Variants in KLF8 observed in about 807,000 individuals in gnomAD.
The protein encoded by KLF8 is KLF transcription factor 8, also known as Krueppel-like factor 8.
KLF8 carries 10 observed loss-of-function variants against 18.2 expected under a neutral mutation model. That is an observed-to-expected ratio of 0.55 (90% confidence interval 0.34 to 0.93). The LOEUF (loss-of-function observed/expected upper bound fraction) is 0.93. KLF8 is among the 40% of genes least tolerant of loss of function. The pLI, the probability that KLF8 is intolerant of heterozygous loss-of-function variation, is 0.02. For missense variants in KLF8, 264 were observed against 277.9 expected, an observed-to-expected ratio of 0.95 and a Z score of 0.36; for synonymous variants, 109 against 97.3, an observed-to-expected ratio of 1.12 and a Z score of -0.71.
At chrX:56,085,695 A>G in the KLF8 span, among the ~76,000 whole-genome samples, 1 of 112,515 alleles carries the variant, frequency 8.9e-6, no homozygotes, top group South Asian at 3.7e-4. Flanking sequence ...AGTAAGAAAA[A>G]CAGATGAACC....
chrX:56,162,220 G>C, the KLF8 span, among the ~76,000 whole-genome samples: 1 of 112,130 alleles, frequency 8.9e-6, no homozygotes, highest in African/African-American at 3.2e-5. Flanking sequence ...GGGGGTCATG[G>C]ACCCACTTGC....
At chrX:56,269,563 G>T in intron 4 of KLF8, 74 bp downstream of exon 4, 1 of 1,071,433 alleles carries the variant, frequency 9.3e-7, no homozygotes. Flanking sequence ...TTGCACATAT[G>T]TATAGGTGGA....
At chrX:56,103,923 G>C in the KLF8 span, among the ~76,000 whole-genome samples, 9 of 110,763 alleles carry the variant, frequency 8.1e-5, no homozygotes, top group Admixed American at 4.8e-4. Context: ...TAGCATGAAG[G>C]GCTGTTGAAT....
chrX:56,162,735 G>A, the KLF8 span, among the ~76,000 whole-genome samples: 3 of 111,009 alleles, frequency 2.7e-5, no homozygotes, highest in African/African-American at 3.3e-5. Flanking sequence ...GTGATGCCTC[G>A]CCCTGCTTCA....
At chrX:56,013,921 T>C in the KLF8 span, among the ~76,000 whole-genome samples, 1 of 111,707 alleles carries the variant, frequency 9.0e-6, no homozygotes, top group East Asian at 2.8e-4. Context: ...CTGGAAGAAC[T>C]GGCTAGCCAT....
chrX:56,220,509 A>T, the KLF8 span, among the ~76,000 whole-genome samples: 1 of 110,790 alleles, frequency 9.0e-6, no homozygotes, highest in East Asian at 2.8e-4. Flanking sequence ...TTTTTGAGAA[A>T]AAGTCTCACT....
At chrX:55,988,998 CTGTT>C in the KLF8 span, among the ~76,000 whole-genome samples, 3 of 111,617 alleles carry the variant, frequency 2.7e-5, no homozygotes, top group Non-Finnish European at 5.6e-5. Flanking sequence ...ATTTGGCTCT[CTGTT>C]TGTCTGTTAT....
chrX:56,249,026 A>T (rs2147602554), intron 1 of KLF8, among the ~76,000 whole-genome samples: 1 of 112,508 alleles, frequency 8.9e-6, no homozygotes, highest in South Asian at 3.7e-4. Context: ...AACAAAGATG[A>T]AAGTATCTGC....
At chrX:56,163,634 C>T in the KLF8 span, among the ~76,000 whole-genome samples, 1 of 111,720 alleles carries the variant, frequency 9.0e-6, no homozygotes, top group Non-Finnish European at 1.9e-5. Context: ...GTTGCAGTTG[C>T]TTTCAGGAAT....
the KLF8 span, among the ~76,000 whole-genome samples, chrX:56,189,267 A>G: frequency 2.7e-5 from 3 of 112,446 alleles, no homozygotes; most frequent in Non-Finnish European, 5.6e-5. Flanking sequence ...AACACATGAA[A>G]AAATGCTCAT....
the KLF8 span, among the ~76,000 whole-genome samples, chrX:56,079,976 C>A: frequency 1.8e-5 from 2 of 110,764 alleles, no homozygotes; most frequent in African/African-American, 6.6e-5. Flanking sequence ...GCAACCCCTG[C>A]CTTTTTTTGT....
At chrX:56,145,966 C>T in the KLF8 span, among the ~76,000 whole-genome samples, 1 of 112,110 alleles carries the variant, frequency 8.9e-6, no homozygotes, top group Non-Finnish European at 1.9e-5. Flanking sequence ...AAAGAAAGCC[C>T]ATCATCACTG....
At chrX:55,920,198 G>T in the KLF8 span, among the ~76,000 whole-genome samples, 1 of 111,800 alleles carries the variant, frequency 8.9e-6, no homozygotes, top group African/African-American at 3.3e-5. Context: ...ACTGTAGGAA[G>T]CCCCATTCCT....
the KLF8 span, among the ~76,000 whole-genome samples, chrX:55,969,687 C>G: frequency 9.0e-6 from 1 of 111,229 alleles, no homozygotes; most frequent in African/African-American, 3.3e-5. Flanking sequence ...TGACAAACCT[C>G]TAGCCAGACT....
chrX:56,131,641 C>G, the KLF8 span, among the ~76,000 whole-genome samples: 1 of 111,522 alleles, frequency 9.0e-6, no homozygotes. Context: ...CATCTCAATA[C>G]TAAAGTTGAA....
the KLF8 span, among the ~76,000 whole-genome samples, chrX:55,963,158 T>C: frequency 3.6e-5 from 4 of 112,093 alleles, no homozygotes; most frequent in South Asian, 1.5e-3. Flanking sequence ...TGATTGATCA[T>C]CAACCCCATC....
chrX:56,172,636 G>A, the KLF8 span, among the ~76,000 whole-genome samples: 78 of 111,792 alleles, frequency 7.0e-4, no homozygotes, highest in Non-Finnish European at 1.3e-3. Flanking sequence ...TGGGATAGCT[G>A]GGTCAAATAG....
the KLF8 span, among the ~76,000 whole-genome samples, chrX:56,201,966 C>T: frequency 9.0e-6 from 1 of 111,262 alleles, no homozygotes; most frequent in East Asian, 2.8e-4. Context: ...TCTGTGGATG[C>T]CTTACCAATA....
chrX:55,965,727 T>C, the KLF8 span, among the ~76,000 whole-genome samples: 1 of 112,178 alleles, frequency 8.9e-6, no homozygotes, highest in African/African-American at 3.2e-5. Context: ...TAATAGGATT[T>C]CTATACACAA....
Sources: allele counts gnomAD v4.1 joint callset (sites outside exome capture counted in the v4.1 genomes callset), GRCh38; gene constraint gnomAD v4.1.1; transcripts MANE v1.5; gene names NCBI Gene and HGNC (gene_info 2026-07-23, HGNC 2026-07-21).